The following EFNA5 variants were observed in gnomAD, a reference collection of about 807,000 sequenced individuals.
The protein encoded by EFNA5 is ephrin-A5.
In EFNA5, 5 loss-of-function variants were observed where a neutral mutation model predicts 22.9. The observed-to-expected ratio is 0.22, with a 90% CI of 0.11 to 0.46. The LOEUF (loss-of-function observed/expected upper bound fraction) is 0.46. Among genes scored for constraint, EFNA5 ranks in the 20% least tolerant of loss-of-function variants. EFNA5 has a pLI of 0.99. For synonymous variants in EFNA5, 113 were observed against 112.2 expected, an observed-to-expected ratio of 1.01 and a Z score of -0.04; for missense variants, 237 against 293.3, an observed-to-expected ratio of 0.81 and a Z score of 1.40.
Position 107,376,965 on chromosome 5 carries a change from C to T in EFNA5, c.*4290G>A, listed in dbSNP as rs948656264. The T allele has an allele frequency of 2.7e-5, 4 of 150,546 alleles. No homozygotes were observed. The highest frequency in any genetic ancestry group is 3.0e-5 in the Non-Finnish European group (2 of 67,788). 9.3% of individuals were successfully genotyped at this position (150,546 alleles called of 1,614,324 possible). A position where few individuals can be genotyped will look rare whatever the true frequency, so the allele number is the denominator to read the frequency against. On this transcript the variant is annotated 3_prime_UTR_variant, in exon 5 of 5. Transcript: ENST00000333274. ...GACACGTGTATATACAAATACAGATCGTATGGGTTTGTTTGTGTGTGGGTT... is the reference window on the plus strand; with the variant it reads ...GACACGTGTATATACAAATACAGATTGTATGGGTTTGTTTGTGTGTGGGTT...
chr5:107,553,010 A>AT (rs148959691), intron 1 of EFNA5, among the ~76,000 whole-genome samples: 3,024 of 152,084 alleles, frequency 0.02, 79 homozygotes, highest in African/African-American at 0.062. Context: ...GCAAGTTGCT[A>AT]TTTTTTTTAT....
At chr5:107,519,189 C>T (rs1481805567) in intron 1 of EFNA5, among the ~76,000 whole-genome samples, 1 of 152,210 alleles carries the variant, frequency 6.6e-6, no homozygotes, top group Non-Finnish European at 1.5e-5. Flanking sequence ...AGCTGTTGCC[C>T]ATGCAAAGTT....
chr5:107,545,021 CTGA>C (rs1748118175), intron 1 of EFNA5, among the ~76,000 whole-genome samples: 1 of 152,228 alleles, frequency 6.6e-6, no homozygotes, highest in African/African-American at 2.4e-5. Flanking sequence ...AAAAAATCCA[CTGA>C]TGACAAACAT....
At chr5:107,506,437 A>AC in intron 1 of EFNA5, among the ~76,000 whole-genome samples, 1 of 152,338 alleles carries the variant, frequency 6.6e-6, no homozygotes, top group East Asian at 1.9e-4. Context: ...AATAAAGGTT[A>AC]CCTTAGCAAA....
Position 107,580,737 on chromosome 5 carries a change from A to AG in EFNA5, c.125+89751_125+89752insC, listed in dbSNP as rs1554067555. On this transcript the variant is annotated intron_variant, in intron 1 of 4. Coordinates refer to ENST00000333274, the MANE Select transcript of EFNA5 (RefSeq NM_001962.3). ...ACTCCATCTCAAAAAAAAAAAAAAA[A>AG]AAAGAAAAGAAAAGAAAAGAAAAAA... 1.1e-3 allele frequency among the ~76,000 whole-genome samples: 152 copies of AG among 144,220 alleles called. 2 individuals are homozygous for AG. Among genetic ancestry groups the AG allele is most frequent in the African/African-American group, 3.9e-3 (147 of 37,546 alleles). 94.6% of individuals were successfully genotyped at this position (144,220 alleles called of 152,430 possible).
chr5:107,476,114 C>T (rs867648142), intron 1 of EFNA5, among the ~76,000 whole-genome samples: 29 of 110,788 alleles, frequency 2.6e-4, no homozygotes, highest in African/African-American at 8.0e-4. Context: ...TGTAATGGCG[C>T]GATCTCGGCT....
chr5:107,496,182 A>T (rs1374456038), intron 1 of EFNA5, among the ~76,000 whole-genome samples: 1 of 148,870 alleles, frequency 6.7e-6, no homozygotes, highest in African/African-American at 2.4e-5. Flanking sequence ...AAAAAAAAAA[A>T]AAAAATACAT....
In EFNA5 at chr5:107,377,952, A is replaced by G. The variant is rs1241568197; in HGVS notation, c.*3303T>C. 6.6e-6 allele frequency: 1 copy of G among 152,174 alleles called. No individual in the cohort carries two copies. The highest frequency in any genetic ancestry group is 1.9e-4 in the East Asian group (1 of 5,192). The allele number at this position is 152,174 out of a possible 1,614,324, so 9.4% of individuals were successfully genotyped here. A position where few individuals can be genotyped will look rare whatever the true frequency, so the allele number is the denominator to read the frequency against. On this transcript the variant is annotated 3_prime_UTR_variant, in exon 5 of 5. Coordinates refer to ENST00000333274, the MANE Select transcript of EFNA5 (RefSeq NM_001962.3). ...TTCCAGGTCCCAAGATGATGGAGTC[A>G]TAAGATTGGGTGGGCAATGACCACA... is the stretch of plus-strand genomic sequence containing the variant.
At chr5:107,603,764 T>C (rs1041702114) in intron 1 of EFNA5, among the ~76,000 whole-genome samples, 5 of 152,242 alleles carry the variant, frequency 3.3e-5, no homozygotes, top group Non-Finnish European at 5.9e-5. Flanking sequence ...CTGTGACTTA[T>C]GTTAGCAAGT....
chr5:107,603,268 G>T (rs374478302), intron 1 of EFNA5, among the ~76,000 whole-genome samples: 3 of 152,250 alleles, frequency 2.0e-5, no homozygotes, highest in African/African-American at 7.2e-5. Flanking sequence ...TCCTTTTAAT[G>T]GAATTTTCCC....
chr5:107,629,182 CA>C (rs1159722472), intron 1 of EFNA5, among the ~76,000 whole-genome samples: 1 of 151,776 alleles, frequency 6.6e-6, no homozygotes, highest in Non-Finnish European at 1.5e-5. Context: ...TCTACACACA[CA>C]AAAAATTCAT....
intron 1 of EFNA5, among the ~76,000 whole-genome samples, chr5:107,623,470 G>A (rs1750080318): frequency 6.6e-6 from 1 of 152,044 alleles, no homozygotes; most frequent in Non-Finnish European, 1.5e-5. Context: ...CTTTCCTAAT[G>A]TTTAATGATA....
chr5:107,606,091 C>T (rs1215289919), intron 1 of EFNA5, among the ~76,000 whole-genome samples: 1 of 152,188 alleles, frequency 6.6e-6, no homozygotes, highest in Non-Finnish European at 1.5e-5. Context: ...TGACCAAGTC[C>T]TCTGCCCAAT....
At chr5:107,623,411 T>C (rs981209937) in intron 1 of EFNA5, among the ~76,000 whole-genome samples, 10 of 152,180 alleles carry the variant, frequency 6.6e-5, no homozygotes, top group Non-Finnish European at 1.3e-4. Flanking sequence ...TTCAGCTTCC[T>C]GGGTTATAAA....
intron 2 of EFNA5, among the ~76,000 whole-genome samples, chr5:107,391,380 G>GT (rs1342033599): frequency 6.6e-6 from 1 of 152,138 alleles, no homozygotes; most frequent in Admixed American, 6.5e-5. Flanking sequence ...GAGCAAGAGT[G>GT]TGTCCCAGAC....
At chr5:107,537,416 T>C (rs1484057872) in intron 1 of EFNA5, among the ~76,000 whole-genome samples, 3 of 151,776 alleles carry the variant, frequency 2.0e-5, no homozygotes, top group African/African-American at 2.4e-5. Flanking sequence ...CTGACTAATA[T>C]AGTGAAACCC....
intron 1 of EFNA5, among the ~76,000 whole-genome samples, chr5:107,465,882 G>A (rs1370624081): frequency 6.6e-6 from 1 of 152,060 alleles, no homozygotes; most frequent in African/African-American, 2.4e-5. Flanking sequence ...AATGAACTCA[G>A]GTTCACGGCT....
chr5:107,581,096 T>C (rs1013564112), intron 1 of EFNA5, among the ~76,000 whole-genome samples: 4 of 152,220 alleles, frequency 2.6e-5, no homozygotes, highest in Non-Finnish European at 5.9e-5. Flanking sequence ...AGTTGAGCAA[T>C]TCAGGCTGTG....
intron 1 of EFNA5, among the ~76,000 whole-genome samples, chr5:107,437,256 C>T (rs983733898): frequency 2.6e-5 from 4 of 152,050 alleles, no homozygotes; most frequent in Non-Finnish European, 5.9e-5. Context: ...TTTGGTAATG[C>T]TAGGGCATGA....
Sources: gnomAD v4.1 joint callset for allele counts (sites outside exome capture counted in the v4.1 genomes callset) on GRCh38, gnomAD v4.1.1 for gene constraint, MANE v1.5 for transcripts, NCBI Gene and HGNC (gene_info 2026-07-23, HGNC 2026-07-21) for gene names.